The following FER1L6 variants were observed in gnomAD, a reference collection of about 807,000 sequenced individuals.
FER1L6 encodes the protein fer-1 like family member 6, also known as fer-1-like protein 6.
Under a neutral mutation model 219.2 loss-of-function variants are expected in FER1L6, and 177 were observed. The observed-to-expected ratio is 0.81, with a 90% confidence interval of 0.71 to 0.91. The LOEUF (loss-of-function observed/expected upper bound fraction) is 0.91, where lower values mean the gene tolerates loss of function less well. Among genes scored for constraint, FER1L6 ranks in the 40% least tolerant of loss-of-function variants. The pLI, the probability that FER1L6 is intolerant of heterozygous loss-of-function variation, is 0.00. For missense variants in FER1L6, 2,153 were observed against 2,259.9 expected (o/e 0.95, Z 0.96); for synonymous variants, 768 against 824.3 (o/e 0.93, Z 1.17).
At chr8:124,095,084 TGTAGA>T in intron 35 of FER1L6, 46 bp downstream of exon 35, 1 of 1,606,352 alleles carries the variant, frequency 6.2e-7, no homozygotes, top group East Asian at 2.2e-5. Flanking sequence ...TCTTGTGTAC[TGTAGA>T]GTAATGGTTT....
intron 12 of FER1L6, among the ~76,000 whole-genome samples, chr8:123,986,657 G>A (rs1487273584): frequency 6.6e-6 from 1 of 151,512 alleles, no homozygotes. Context: ...CTTCTCCCCT[G>A]CCTCCCACTA....
At chr8:123,857,752 C>T (rs1034530697) in intron 1 of FER1L6, among the ~76,000 whole-genome samples, 9 of 152,188 alleles carry the variant, frequency 5.9e-5, no homozygotes, top group South Asian at 2.1e-4. Context: ...GCCCCTCAGC[C>T]AGCAGGTTCT....
At chr8:124,013,056 A>G (rs1818015107) in intron 14 of FER1L6, among the ~76,000 whole-genome samples, 1 of 152,202 alleles carries the variant, frequency 6.6e-6, no homozygotes, top group African/African-American at 2.4e-5. Context: ...TGACTTGAAC[A>G]TTACTTTTGA....
Position 123,852,255 on chromosome 8 carries a change from A to G in FER1L6, c.-8+70A>G, listed in dbSNP as rs1816523340. Reference sequence around the variant, plus strand: ...GAAGGCAAGTTCATATCCAGAGCAAATGTGTATTCCAGTAAGGACAAAATG... The same window carrying G: ...GAAGGCAAGTTCATATCCAGAGCAAGTGTGTATTCCAGTAAGGACAAAATG... On this transcript the variant is annotated intron_variant, in intron 1 of 40. Transcript: ENST00000522917. This position sits in a 1 kb window ranked among gnomAD's most constrained non-coding sequence, Gnocchi z 4.9. 6.6e-6 allele frequency: 1 copy of G among 152,198 alleles called. No homozygotes were observed. Among genetic ancestry groups the G allele is most frequent in the Non-Finnish European group, 1.5e-5 (1 of 68,054 alleles). The allele number at this position is 152,198 out of a possible 1,614,324, so 9.4% of individuals were successfully genotyped here.
chr8:123,932,387 G>A (rs924881989), intron 1 of FER1L6, among the ~76,000 whole-genome samples: 1 of 152,178 alleles, frequency 6.6e-6, no homozygotes, highest in Non-Finnish European at 1.5e-5. Context: ...GGGATTACAG[G>A]TGTGAGCCAC....
Position 124,012,211 on chromosome 8 carries a change from G to C in FER1L6, c.1822-1220G>C, listed in dbSNP as rs553055677. On this transcript the variant is annotated intron_variant, in intron 14 of 40. Transcript: ENST00000522917. ...CTGTCCCATTTGCTTTATAATCCTT[G>C]TCTCTCAATTTGTAAAACAAAGTAT... Among the ~76,000 whole-genome samples, 4 of 152,246 alleles carry C rather than the reference G, an allele frequency of 2.6e-5. No individual in the cohort carries two copies. In the South Asian group the frequency reaches 8.3e-4, roughly 32 times the overall value.
At chr8:124,073,488 C>T (rs7817061) in intron 31 of FER1L6, among the ~76,000 whole-genome samples, 5,288 of 152,178 alleles carry the variant, frequency 0.035, 297 homozygotes, top group African/African-American at 0.12. Flanking sequence ...AATTCTCAAA[C>T]CTTTTAATTA....
intron 1 of FER1L6, among the ~76,000 whole-genome samples, chr8:123,941,594 AG>A (rs771625552): frequency 4.6e-5 from 7 of 152,216 alleles, no homozygotes; most frequent in Non-Finnish European, 8.8e-5. Context: ...TCTACTGTGT[AG>A]CCAGATGACT....
rs1354512057 is a variant in FER1L6 at position 124,064,482 on chromosome 8, C to T, written c.3464C>T (p.Ala1155Val). 3 of 1,614,032 alleles carry T rather than the reference C, an allele frequency of 1.9e-6. No individual in the cohort carries two copies. Among genetic ancestry groups the T allele is most frequent in the Non-Finnish European group, 2.5e-6 (3 of 1,179,988 alleles). The change falls in exon 26 of 41, where the codon GCC becomes GTC. Residue 1155 changes from alanine to valine, a missense_variant. By Grantham distance (64) the Ala-to-Val change is moderately conservative (BLOSUM62 0). Transcript: ENST00000522917. The stretch of plus-strand genomic sequence containing the variant: ...CCCGACTCTGCCCAGGCCCAGCCGG[C>T]CATCCTGGTTGACGTCCCTGACTCA... Reference protein sequence around the residue: ...VVPDSAQAQPAILVDVPDSSP... With the variant: ...VVPDSAQAQPVILVDVPDSSP...
Position 124,097,019 on chromosome 8 carries a change from A to G in FER1L6, c.4696-252A>G, listed in dbSNP as rs902216373. Among the ~76,000 whole-genome samples, 6 of 152,064 alleles carry G rather than the reference A, an allele frequency of 3.9e-5. 1 individual carries two copies. Among genetic ancestry groups the G allele is most frequent in the East Asian group, 1.9e-4 (1 of 5,174 alleles). ...ATGTCTACCCCCTAGTTGATGCTCA[A>G]TAAAGGTTTGCTCACCCTTCACCTA... On this transcript the variant is annotated intron_variant, in intron 35 of 40. Transcript: ENST00000522917.
intron 9 of FER1L6, among the ~76,000 whole-genome samples, chr8:123,977,125 C>T (rs1816110499): frequency 6.6e-6 from 1 of 152,206 alleles, no homozygotes; most frequent in Non-Finnish European, 1.5e-5. Context: ...AGCTCATGGT[C>T]TAACTACATC....
chr8:124,091,829 T>C (rs183540642), intron 34 of FER1L6, among the ~76,000 whole-genome samples: 1 of 151,986 alleles, frequency 6.6e-6, no homozygotes, highest in East Asian at 1.9e-4. Flanking sequence ...TAGCCATGCG[T>C]GGTGGCAGAT....
At chr8:123,875,281 A>T (rs951581364) in intron 1 of FER1L6, among the ~76,000 whole-genome samples, 13 of 152,344 alleles carry the variant, frequency 8.5e-5, no homozygotes, top group African/African-American at 3.1e-4. Context: ...TCTCTCTTGA[A>T]TCAACTCTGC....
intron 1 of FER1L6, among the ~76,000 whole-genome samples, chr8:123,897,349 G>A (rs561039076): frequency 6.6e-6 from 1 of 152,082 alleles, no homozygotes; most frequent in East Asian, 1.9e-4. Flanking sequence ...GTAAAATGGG[G>A]CCAATTTTTC....
chr8:124,033,831 A>G (rs1563756041), intron 18 of FER1L6, among the ~76,000 whole-genome samples: 1 of 152,216 alleles, frequency 6.6e-6, no homozygotes, highest in African/African-American at 2.4e-5. Flanking sequence ...CAGTTTCCTC[A>G]GTACTTTCTG....
At chr8:123,919,123 G>C (rs1460992703) in intron 1 of FER1L6, among the ~76,000 whole-genome samples, 1 of 152,168 alleles carries the variant, frequency 6.6e-6, no homozygotes, top group Non-Finnish European at 1.5e-5. Flanking sequence ...GAACTCCTTG[G>C]GAAGGAAGGG....
At position 124,073,538 on chromosome 8, in the gene FER1L6, C is replaced by T. The variant is rs1462752079; in HGVS notation, c.4092+1907C>T. On this transcript the variant is annotated intron_variant, in intron 31 of 40. Coordinates refer to ENST00000522917, the MANE Select transcript of FER1L6 (RefSeq NM_001039112.2). ...AGTAAAAAAAATACTACTTAAAACTCGCATAAAGAAATAAATCAAATTTCC... is the reference window on the plus strand; with the variant it reads ...AGTAAAAAAAATACTACTTAAAACTTGCATAAAGAAATAAATCAAATTTCC... Among the ~76,000 whole-genome samples the T allele has an allele frequency of 2.6e-5, 4 of 152,116 alleles. No individual in the cohort carries two copies. In the South Asian group the frequency reaches 6.2e-4, roughly 24 times the overall value.
chr8:123,972,469 T>G lies in FER1L6; in HGVS notation c.448-965T>G, dbSNP rs114159801. Among the ~76,000 whole-genome samples the G allele has an allele frequency of 1.6e-3, 247 of 152,338 alleles. 1 individual carries two copies. The highest frequency in any genetic ancestry group is 5.7e-3 in the African/African-American group (238 of 41,578). On this transcript the variant is annotated intron_variant, in intron 6 of 40. Coordinates refer to ENST00000522917, the MANE Select transcript of FER1L6 (RefSeq NM_001039112.2). ...TAGTTAGAAGGAAGCTCAGAGGACA[T>G]CTTGTATAACTTCCAACTGGTGCCA...
At chr8:123,905,716 C>A (rs1314256279) in intron 1 of FER1L6, among the ~76,000 whole-genome samples, 1 of 152,136 alleles carries the variant, frequency 6.6e-6, no homozygotes, top group Non-Finnish European at 1.5e-5. Context: ...AATATATATA[C>A]AAAGATTATT....
Sources: gnomAD v4.1 joint callset for allele counts (sites outside exome capture counted in the v4.1 genomes callset) on GRCh38, gnomAD v4.1.1 for gene constraint, Gnocchi (gnomAD v3.1) non-coding constraint, MANE v1.5 for transcripts, NCBI Gene and HGNC (gene_info 2026-07-23, HGNC 2026-07-21) for gene names.